Variants in GLIS1 observed in about 807,000 individuals in gnomAD.
GLIS1 encodes zinc finger protein GLIS1.
A neutral mutation model predicts 63.8 loss-of-function variants in GLIS1; 24 were observed. The ratio of observed to expected loss-of-function variants is 0.38; its 90% CI spans 0.27 to 0.53. GLIS1 has a LOEUF of 0.53. Ranked by LOEUF, GLIS1 falls within the 20% of genes least tolerant of loss-of-function variation. The pLI, the probability that GLIS1 is intolerant of heterozygous loss-of-function variation, is 0.85. For synonymous variants in GLIS1, 450 were observed against 482.5 expected (o/e 0.93, Z 0.88); for missense variants, 1,036 against 1,074.1 (o/e 0.96, Z 0.50).
intron 2 of GLIS1, among the ~76,000 whole-genome samples, chr1:53,605,048 C>T (rs982651669): frequency 6.0e-4 from 91 of 151,264 alleles, no homozygotes; most frequent in Middle Eastern, 3.4e-3. Context: ...TAATCGCCAA[C>T]CCCCGATCTC....
intron 8 of GLIS1, among the ~76,000 whole-genome samples, chr1:53,513,179 C>T (rs1372521943): frequency 6.6e-6 from 1 of 152,114 alleles, no homozygotes; most frequent in Non-Finnish European, 1.5e-5. Context: ...CCTCTCCCTG[C>T]CCAGCTCGGA....
At chr1:53,524,953 G>T in intron 5 of GLIS1, 66 bp from the exon 6 acceptor site, 1 of 1,216,202 alleles carries the variant, frequency 8.2e-7, no homozygotes, top group South Asian at 1.3e-5. Context: ...GCCTCCGCGT[G>T]ACCTGCTGTG....
intron 2 of GLIS1, among the ~76,000 whole-genome samples, chr1:53,606,184 G>C (rs1419704882): frequency 6.6e-6 from 1 of 152,164 alleles, no homozygotes; most frequent in African/African-American, 2.4e-5. Flanking sequence ...TTTGATAAAG[G>C]CCCCTCTGCT....
At chr1:53,704,742 G>T (rs557492534) in intron 2 of GLIS1, among the ~76,000 whole-genome samples, 2 of 152,340 alleles carry the variant, frequency 1.3e-5, no homozygotes, top group South Asian at 4.1e-4. Context: ...GGCTCTGTGG[G>T]CTCTAGCAGC....
chr1:53,542,734 G>C (rs1644656574), intron 4 of GLIS1, among the ~76,000 whole-genome samples: 1 of 152,328 alleles, frequency 6.6e-6, no homozygotes, highest in South Asian at 2.1e-4. Flanking sequence ...TTCACCCCTG[G>C]GGCTACGCCC....
chr1:53,521,832 T>TG (rs1644412433), intron 6 of GLIS1, among the ~76,000 whole-genome samples: 1 of 152,240 alleles, frequency 6.6e-6, no homozygotes, highest in Non-Finnish European at 1.5e-5. Context: ...TTCAGGACAC[T>TG]GGATGATGAC....
rs568694197 is a variant in GLIS1, at chr1:53,664,915, G to A, written c.260-64637C>T. Among the ~76,000 whole-genome samples the A allele has an allele frequency of 2.1e-3, 327 of 152,310 alleles. 11 individuals are homozygous for A. The South Asian group carries it at 0.062, about 29-fold the overall frequency. ...GCCCTGGGGCAAGAGCACAGATGGT[G>A]TGTGAGGGTGAGCAAGGAGGCCTCT... is the stretch of plus-strand genomic sequence containing the variant. On this transcript the variant is annotated intron_variant, in intron 2 of 10. Coordinates refer to ENST00000628545, the MANE Select transcript of GLIS1 (RefSeq NM_001367484.1).
intron 2 of GLIS1, among the ~76,000 whole-genome samples, chr1:53,686,535 G>C (rs1176050878): frequency 3.3e-5 from 5 of 152,198 alleles, no homozygotes; most frequent in African/African-American, 1.2e-4. Flanking sequence ...AGGCACAGAT[G>C]AATCAGATCC....
chr1:53,508,880 T>C (rs1183463236), intron 10 of GLIS1, among the ~76,000 whole-genome samples: 1 of 152,214 alleles, frequency 6.6e-6, no homozygotes, highest in Non-Finnish European at 1.5e-5. Flanking sequence ...CCTGCCAGCA[T>C]TCAGACACAC....
chr1:53,523,909 G>T (rs532010400), intron 6 of GLIS1, among the ~76,000 whole-genome samples: 25 of 152,264 alleles, frequency 1.6e-4, no homozygotes, highest in African/African-American at 6.0e-4. Flanking sequence ...GCGCTGCTTG[G>T]CCGCTGATCC....
intron 4 of GLIS1, among the ~76,000 whole-genome samples, chr1:53,582,312 C>T (rs983941280): frequency 6.6e-6 from 1 of 152,198 alleles, no homozygotes; most frequent in Non-Finnish European, 1.5e-5. Context: ...CCACAGCAAT[C>T]AGTCATCACA....
At chr1:53,648,359 T>A (rs910911161) in intron 2 of GLIS1, among the ~76,000 whole-genome samples, 5 of 151,942 alleles carry the variant, frequency 3.3e-5, no homozygotes, top group African/African-American at 7.3e-5. Flanking sequence ...ACAAGCAACA[T>A]CGTATGTTAG....
At chr1:53,736,781 G>A (rs1646916410) in intron 2 of GLIS1, among the ~76,000 whole-genome samples, 1 of 152,216 alleles carries the variant, frequency 6.6e-6, no homozygotes, top group East Asian at 1.9e-4. Flanking sequence ...GGAGTTGGGT[G>A]TTTTTGATCC....
rs1646931247 is a variant in GLIS1 at position 53,738,103 on chromosome 1, GCTCCT to G, written c.-42-2_-40del. 8.2e-7 allele frequency: 1 copy of G among 1,226,876 alleles called. No individual in the cohort carries two copies. The highest frequency in any genetic ancestry group is 1.0e-6 in the Non-Finnish European group (1 of 984,288). The allele number at this position is 1,226,876 out of a possible 1,614,324, so 76.0% of individuals were successfully genotyped here. On this transcript the variant is annotated splice_acceptor_variant and 5_prime_UTR_variant, in exon 2 of 11. Transcript: ENST00000628545. LOFTEE classifies it low-confidence loss of function (5UTR_SPLICE). ...GGCGCACGGCTGGGGGTCGCGCCGGGCTCCTGGGGAGGGGAGACAGCACAGCCAGT... is the reference window on the plus strand; with the variant it reads ...GGCGCACGGCTGGGGGTCGCGCCGGGGGGGAGGGGAGACAGCACAGCCAGT...
At chr1:53,648,721 AT>A (rs1645873293) in intron 2 of GLIS1, among the ~76,000 whole-genome samples, 1 of 152,206 alleles carries the variant, frequency 6.6e-6, no homozygotes, top group Admixed American at 6.5e-5. Context: ...AGTGAAAAAA[AT>A]CGGACACGAG....
intron 4 of GLIS1, among the ~76,000 whole-genome samples, chr1:53,592,711 A>G (rs1027696719): frequency 1.3e-5 from 2 of 152,134 alleles, no homozygotes; most frequent in Non-Finnish European, 2.9e-5. Context: ...AGCCTGTCCA[A>G]TGCACTCTCC....
chr1:53,580,571 C>T (rs937327734), intron 4 of GLIS1, among the ~76,000 whole-genome samples: 1 of 152,116 alleles, frequency 6.6e-6, no homozygotes, highest in African/African-American at 2.4e-5. Flanking sequence ...GAGGAGTCAT[C>T]GCTGATGCTG....
In GLIS1 at chr1:53,564,421, A is replaced by G. The variant is rs927515269; in HGVS notation, c.1320+29687T>C. Among the ~76,000 whole-genome samples the G allele has an allele frequency of 2.6e-5, 4 of 152,336 alleles. 1 individual carries two copies. ...CTAAGCCAAAACATGGAAGCAAAAA[A>G]GGAAGCATAGGAAAAAGCAAAGTAG... On this transcript the variant is annotated intron_variant, in intron 4 of 10. Coordinates refer to ENST00000628545, the MANE Select transcript of GLIS1 (RefSeq NM_001367484.1).
Position 53,608,544 on chromosome 1 carries a change from G to A in GLIS1, c.260-8266C>T, listed in dbSNP as rs574312903. ...ATCACAGATAAGAGTATAGATTTTGGAGCCAGAAGACTAGGTTTGAATCTT... is the reference window on the plus strand; with the variant it reads ...ATCACAGATAAGAGTATAGATTTTGAAGCCAGAAGACTAGGTTTGAATCTT... On this transcript the variant is annotated intron_variant, in intron 2 of 10. Coordinates refer to ENST00000628545, the MANE Select transcript of GLIS1 (RefSeq NM_001367484.1). Among the ~76,000 whole-genome samples, 12 of 152,292 alleles carry A rather than the reference G, an allele frequency of 7.9e-5. No individual in the cohort carries two copies. In the South Asian group the frequency reaches 2.1e-3, roughly 26 times the overall value.
Sources: allele counts gnomAD v4.1 joint callset (sites outside exome capture counted in the v4.1 genomes callset), GRCh38; gene constraint gnomAD v4.1.1; transcripts MANE v1.5; gene names NCBI Gene and HGNC (gene_info 2026-07-23, HGNC 2026-07-21).